WRNIP1: variants seen among roughly 807,000 people sequenced by gnomAD.
The protein encoded by WRNIP1 is WRN helicase interacting protein 1.
WRNIP1 carries 41 observed loss-of-function variants against 56.1 expected under a neutral mutation model. The observed-to-expected ratio is 0.73, with a 90% confidence interval of 0.57 to 0.95. The LOEUF is 0.95. WRNIP1 is among the 40% of genes least tolerant of loss of function. The probability of loss-of-function intolerance (pLI) is 0.00; values close to 1 mark genes in which losing one functional copy is unlikely to be tolerated. For synonymous variants in WRNIP1, 547 were observed against 398.1 expected (o/e 1.37, Z -4.45); for missense variants, 1,170 against 939.4 (o/e 1.25, Z -3.21).
rs932349319 is a variant in WRNIP1, at chr6:2,766,049, C to T, written c.427C>T (p.Pro143Ser). ...SPGRKGSGKR[P>S]AAAAAAGSAS... ...CGGGAGGAAGGGGTCGGGGAAGAGG[C>T]CGGCGGCCGCCGCCGCGGCGGGGAG... The change falls in exon 1 of 7, where the codon CCG becomes TCG. Residue 143 changes from proline to serine, a missense_variant. Pro to Ser is a moderately conservative substitution (Grantham distance 74). Coordinates refer to ENST00000380773, the MANE Select transcript of WRNIP1 (RefSeq NM_020135.3). 6 of 1,295,658 alleles carry T rather than the reference C, an allele frequency of 4.6e-6. No homozygotes were observed. Among genetic ancestry groups the T allele is most frequent in the African/African-American group, 1.5e-5 (1 of 64,600 alleles). 80.3% of individuals were successfully genotyped at this position (1,295,658 alleles called of 1,614,324 possible). A position where few individuals can be genotyped will look rare whatever the true frequency, so the allele number is the denominator to read the frequency against.
chr6:2,783,042 A>G (rs1231844447), intron 4 of WRNIP1, among the ~76,000 whole-genome samples: 1 of 151,322 alleles, frequency 6.6e-6, no homozygotes, highest in Non-Finnish European at 1.5e-5. Context: ...CCTCCAGTAG[A>G]TGGTGGGCCA....
At chr6:2,775,281 C>T (rs1765407103) in intron 3 of WRNIP1, among the ~76,000 whole-genome samples, 1 of 152,196 alleles carries the variant, frequency 6.6e-6, no homozygotes, top group Non-Finnish European at 1.5e-5. Context: ...ACCAGATCTG[C>T]ACATCACACT....
intron 3 of WRNIP1, chr6:2,773,848 G>A: frequency 1.0e-6 from 1 of 985,188 alleles, no homozygotes; most frequent in African/African-American, 1.7e-5. Context: ...AGCCATAACT[G>A]CCCTCTGCCT....
chr6:2,783,108 C>T (rs573824430), intron 4 of WRNIP1, among the ~76,000 whole-genome samples: 1 of 152,262 alleles, frequency 6.6e-6, no homozygotes, highest in South Asian at 2.1e-4. Flanking sequence ...TCTGGCAAAT[C>T]CACCAGCTGG....
intron 3 of WRNIP1, among the ~76,000 whole-genome samples, chr6:2,778,052 G>A (rs766090234): frequency 8.5e-5 from 13 of 152,194 alleles, no homozygotes; most frequent in South Asian, 2.1e-4. Context: ...AAATCCTTCC[G>A]TGAATGAAAT....
chr6:2,770,413 C>T (rs764808556), intron 3 of WRNIP1, 52 bp downstream of exon 3: 2 of 1,601,770 alleles, frequency 1.2e-6, no homozygotes, highest in South Asian at 2.2e-5. Flanking sequence ...CAGAGAGTCT[C>T]CTGGCAGGGG....
At chr6:2,770,386 T>TGG in intron 3 of WRNIP1, 25 bp downstream of exon 3, 2 of 1,612,992 alleles carry the variant, frequency 1.2e-6, no homozygotes, top group Non-Finnish European at 1.7e-6. Context: ...TGCAGCGTCC[T>TGG]GGGGGCACAC....
At chr6:2,783,634 CTTTTTTT>C (rs398000193) in intron 5 of WRNIP1, 73 bp downstream of exon 5, 2 of 39,612 alleles carry the variant, frequency 5.0e-5, no homozygotes, top group African/African-American at 1.6e-4. Flanking sequence ...TACATCGTGG[CTTTTTTT>C]TTTTTTTTTT....
chr6:2,770,928 G>C (rs1476226940), intron 3 of WRNIP1, among the ~76,000 whole-genome samples: 1 of 152,110 alleles, frequency 6.6e-6, no homozygotes, highest in East Asian at 1.9e-4. Context: ...GACATTATAG[G>C]CTGTCCCTAT....
rs1025634496 is a variant in WRNIP1, at chr6:2,766,096, C to T, written c.474C>T (p.Asp158=). ...GGAGCGCGTCTCCGCGCAGCTGGGA[C>T]GAGGCGGAGGCGCAGGAGGAGGAGG... The part of the protein sequence containing the change: ...AAGSASPRSW[D]EAEAQEEEEA... Residue 158 remains aspartate, a synonymous_variant, in exon 1 of 7, where the codon GAC becomes GAT. Transcript: ENST00000380773. The T allele has an allele frequency of 6.8e-6, 9 of 1,314,978 alleles. No individual in the cohort carries two copies. Among genetic ancestry groups the T allele is most frequent in the Middle Eastern group, 2.9e-4 (1 of 3,474 alleles). 81.5% of individuals were successfully genotyped at this position (1,314,978 alleles called of 1,614,324 possible). A position where few individuals can be genotyped will look rare whatever the true frequency, so the allele number is the denominator to read the frequency against.
chr6:2,776,658 C>T (rs748384079), intron 3 of WRNIP1, among the ~76,000 whole-genome samples: 12 of 152,170 alleles, frequency 7.9e-5, no homozygotes, highest in Admixed American at 2.6e-4. Flanking sequence ...ATGGAGTAGA[C>T]GGCTAGCTGG....
chr6:2,774,994 A>G (rs1342704299), intron 3 of WRNIP1, among the ~76,000 whole-genome samples: 3 of 152,194 alleles, frequency 2.0e-5, no homozygotes, highest in African/African-American at 7.2e-5. Context: ...AATCTCATTC[A>G]GTCCTCAATA....
At chr6:2,774,338 A>G in intron 3 of WRNIP1, 1 of 946,548 alleles carries the variant, frequency 1.1e-6, no homozygotes, top group Non-Finnish European at 1.3e-6. Context: ...CTTTATCCTC[A>G]CAGTTCTGAA....
intron 6 of WRNIP1, 133 bp from the exon 7 acceptor site, chr6:2,784,874 A>T: frequency 8.7e-7 from 1 of 1,148,938 alleles, no homozygotes; most frequent in Non-Finnish European, 1.2e-6. Context: ...TCCAGACTGT[A>T]GGCGCAAAAG....
chr6:2,770,157 C>G lies in WRNIP1; in HGVS notation c.1052C>G (p.Thr351Ser), dbSNP rs755850879. 1.9e-6 allele frequency: 3 copies of G among 1,614,230 alleles called. No homozygotes were observed. The South Asian group carries it at 3.3e-5, about 18-fold the overall frequency. The change falls in exon 3 of 7, where the codon ACT becomes AGT. Residue 351 changes from threonine to serine, a missense_variant. Physicochemically the swap from Thr to Ser is moderately conservative, Grantham distance 58. Coordinates refer to ENST00000380773, the MANE Select transcript of WRNIP1 (RefSeq NM_020135.3). ...CCTCACGTGGAATGTGGGACGATCACTCTGATTGGGGCAACCACTGAAAAC... is the reference window on the plus strand; with the variant it reads ...CCTCACGTGGAATGTGGGACGATCAGTCTGATTGGGGCAACCACTGAAAAC... Reference protein sequence around the residue: ...FLPHVECGTITLIGATTENPS... With the variant: ...FLPHVECGTISLIGATTENPS...
At position 2,765,583 on chromosome 6, in the gene WRNIP1, G is replaced by C. The variant is rs751025745; in HGVS notation, c.-40G>C. On this transcript the variant is annotated 5_prime_UTR_variant, in exon 1 of 7. Transcript: ENST00000380773. ...GAAGGCCTCCGCGTGCGCACGGGTT[G>C]CTGCGGCCGCGCCGGGCGCCGGGGA... 1 of 1,451,572 alleles carries C rather than the reference G, an allele frequency of 6.9e-7. No homozygotes were observed. Among genetic ancestry groups the C allele is most frequent in the Non-Finnish European group, 9.0e-7 (1 of 1,107,988 alleles). 89.9% of individuals were successfully genotyped at this position (1,451,572 alleles called of 1,614,324 possible).
chr6:2,770,007 G>C, intron 2 of WRNIP1, 113 bp from the exon 3 acceptor site: 2 of 1,469,612 alleles, frequency 1.4e-6, no homozygotes, highest in Non-Finnish European at 1.8e-6. Context: ...TGCTATTCCT[G>C]AACTCGAAAG....
At chr6:2,775,157 C>G (rs1765402877) in intron 3 of WRNIP1, among the ~76,000 whole-genome samples, 1 of 152,200 alleles carries the variant, frequency 6.6e-6, no homozygotes, top group Non-Finnish European at 1.5e-5. Context: ...ACTTCAAGTG[C>G]TACAAGGGGT....
chr6:2,778,065 A>G (rs1252058207), intron 3 of WRNIP1, among the ~76,000 whole-genome samples: 3 of 152,164 alleles, frequency 2.0e-5, no homozygotes, highest in African/African-American at 7.2e-5. Flanking sequence ...AATGAAATGC[A>G]GATTGGTGTT....
Sources: gnomAD v4.1 joint callset for allele counts (sites outside exome capture counted in the v4.1 genomes callset) on GRCh38, gnomAD v4.1.1 for gene constraint, MANE v1.5 for transcripts, NCBI Gene and HGNC (gene_info 2026-07-23, HGNC 2026-07-21) for gene names.